GAPVD1: variants seen among roughly 807,000 people sequenced by gnomAD.
GAPVD1 encodes the protein GTPase activating protein and VPS9 domains 1.
GAPVD1 carries 35 observed loss-of-function variants against 155.5 expected under a neutral mutation model. The ratio of observed to expected loss-of-function variants is 0.23; its 90% confidence interval spans 0.17 to 0.30. The LOEUF is 0.30. GAPVD1 is among the 10% of genes least tolerant of loss of function. The probability of loss-of-function intolerance (pLI) is 1.00; values close to 1 mark genes in which losing one functional copy is unlikely to be tolerated. For synonymous variants in GAPVD1, 636 were observed against 619.7 expected, an observed-to-expected ratio of 1.03 and a Z score of -0.39; for missense variants, 1,429 against 1,775.7, an observed-to-expected ratio of 0.80 and a Z score of 3.51.
At position 125,339,086 on chromosome 9, in the gene GAPVD1, A is replaced by G. The variant is rs114970211; in HGVS notation, c.2877+1495A>G. On this transcript the variant is annotated intron_variant, in intron 17 of 27. Transcript: ENST00000297933. ...AGCCTTAACCTCCCAGGCTCAGGCAATCCTCCCGCTTTGGCCTCCCAAGTA... is the reference window on the plus strand; with the variant it reads ...AGCCTTAACCTCCCAGGCTCAGGCAGTCCTCCCGCTTTGGCCTCCCAAGTA... Among the ~76,000 whole-genome samples, 1,502 of 152,160 alleles carry G rather than the reference A, an allele frequency of 9.9e-3. 28 individuals are homozygous for G. The highest frequency in any genetic ancestry group is 0.034 in the African/African-American group (1,400 of 41,506).
intron 2 of GAPVD1, among the ~76,000 whole-genome samples, chr9:125,280,711 G>T (rs534122698): frequency 4.6e-5 from 7 of 151,874 alleles, no homozygotes; most frequent in South Asian, 4.2e-4. Context: ...GAGTGACTGG[G>T]ATTACATGCG....
At chr9:125,351,322 G>A (rs754944863) in intron 23 of GAPVD1, among the ~76,000 whole-genome samples, 4 of 152,118 alleles carry the variant, frequency 2.6e-5, no homozygotes, top group Admixed American at 6.6e-5. Flanking sequence ...GATGAGATTC[G>A]GGTGGGGACA....
intron 2 of GAPVD1, among the ~76,000 whole-genome samples, chr9:125,292,129 C>T (rs985155914): frequency 4.6e-5 from 7 of 151,982 alleles, no homozygotes; most frequent in South Asian, 2.1e-4. Flanking sequence ...TACAGCTACT[C>T]GGGAGGCGGA....
rs1212311819 is a variant in GAPVD1 at position 125,366,414 on chromosome 9, A to T, written c.*3668A>T. 6.6e-5 allele frequency: 10 copies of T among 152,196 alleles called. No homozygotes were observed. The highest frequency in any genetic ancestry group is 1.5e-4 in the Non-Finnish European group (10 of 68,038). The allele number at this position is 152,196 out of a possible 1,614,324, so 9.4% of individuals were successfully genotyped here. ...GTGTGAAGAGGGAAAGTAGGAATAC[A>T]CTCAGAATTATTACTGGATTGCATA... On this transcript the variant is annotated 3_prime_UTR_variant, in exon 28 of 28. Coordinates refer to ENST00000297933, the MANE Select transcript of GAPVD1 (RefSeq NM_001282680.3).
chr9:125,357,615 T>C (rs1286334159), intron 25 of GAPVD1, among the ~76,000 whole-genome samples: 3 of 151,976 alleles, frequency 2.0e-5, no homozygotes, highest in East Asian at 1.9e-4. Context: ...AGTTAAGTAT[T>C]TGAATACCAG....
intron 9 of GAPVD1, among the ~76,000 whole-genome samples, chr9:125,315,529 AT>A (rs1220306138): frequency 6.6e-6 from 1 of 152,058 alleles, no homozygotes; most frequent in Non-Finnish European, 1.5e-5. Flanking sequence ...ATGGTTGTGT[AT>A]TTTGATCTGT....
At chr9:125,357,975 T>TAAAA (rs1325730099) in intron 25 of GAPVD1, among the ~76,000 whole-genome samples, 1 of 144,448 alleles carries the variant, frequency 6.9e-6, no homozygotes, top group Admixed American at 6.8e-5. Flanking sequence ...GCTCTGTCTT[T>TAAAA]AAAAAAAAAA....
At chr9:125,291,310 G>A (rs903642016) in intron 2 of GAPVD1, among the ~76,000 whole-genome samples, 1 of 152,050 alleles carries the variant, frequency 6.6e-6, no homozygotes, top group Non-Finnish European at 1.5e-5. Context: ...AAGGATACTA[G>A]CGTTGTCATG....
chr9:125,335,369 A>C, intron 15 of GAPVD1: 1 of 480,850 alleles, frequency 2.1e-6, no homozygotes, highest in Non-Finnish European at 3.7e-6. Flanking sequence ...TACCATTAAA[A>C]TTTTTTCTTT....
chr9:125,328,863 C>T (rs981762204), intron 12 of GAPVD1, among the ~76,000 whole-genome samples: 3 of 152,000 alleles, frequency 2.0e-5, no homozygotes, highest in Non-Finnish European at 2.9e-5. Flanking sequence ...CCGGACGGGG[C>T]GGCTGGCCGG....
intron 23 of GAPVD1, among the ~76,000 whole-genome samples, 193 bp from the exon 24 acceptor site, chr9:125,354,461 C>T (rs1398655537): frequency 6.6e-6 from 1 of 152,150 alleles, no homozygotes; most frequent in African/African-American, 2.4e-5. Flanking sequence ...CAGCTGGCAC[C>T]ATGATCAGTC....
rs146870338 is a variant in GAPVD1 at position 125,273,954 on chromosome 9, A to T, written c.-150+4970A>T. On this transcript the variant is annotated intron_variant, in intron 2 of 27. Coordinates refer to ENST00000297933, the MANE Select transcript of GAPVD1 (RefSeq NM_001282680.3). ...TTTTTTAAAAAAAAATTACTAAAGT[A>T]ATAAATATTCTTTGTTTTTTATTTT... Among the ~76,000 whole-genome samples the T allele has an allele frequency of 1.6e-3, 245 of 151,838 alleles. 3 individuals are homozygous for T. The highest frequency in any genetic ancestry group is 0.015 in the East Asian group (79 of 5,186).
At chr9:125,282,709 C>T (rs1026039265) in intron 2 of GAPVD1, among the ~76,000 whole-genome samples, 10 of 152,104 alleles carry the variant, frequency 6.6e-5, no homozygotes, top group African/African-American at 2.4e-4. Flanking sequence ...AGTTATCTTA[C>T]AGTATACCAT....
chr9:125,298,397 T>TA (rs1840219421), intron 3 of GAPVD1, among the ~76,000 whole-genome samples: 1 of 152,040 alleles, frequency 6.6e-6, no homozygotes, highest in Admixed American at 6.6e-5. Context: ...CCAATTTTTC[T>TA]ATGCTGAACC....
At chr9:125,271,786 A>C (rs544787952) in intron 2 of GAPVD1, among the ~76,000 whole-genome samples, 1 of 151,678 alleles carries the variant, frequency 6.6e-6, no homozygotes, top group African/African-American at 2.4e-5. Context: ...CCTGACCTCA[A>C]GTGATCCACC....
chr9:125,324,384 A>C (rs1288005411), intron 11 of GAPVD1, among the ~76,000 whole-genome samples: 1 of 152,066 alleles, frequency 6.6e-6, no homozygotes, highest in Non-Finnish European at 1.5e-5. Context: ...TGAGGTCGGG[A>C]GTTCAAGACC....
chr9:125,345,842 T>C (rs2132235736), intron 19 of GAPVD1: 1 of 152,142 alleles, frequency 6.6e-6, no homozygotes, highest in South Asian at 2.1e-4. Flanking sequence ...ACACACAAAA[T>C]ACGTATATGT....
At chr9:125,360,439 C>G in intron 26 of GAPVD1, 89 bp from the exon 27 acceptor site, 1 of 987,680 alleles carries the variant, frequency 1.0e-6, no homozygotes, top group South Asian at 1.4e-5. Flanking sequence ...CCACATTATC[C>G]TCTGCCTCCT....
intron 1 of GAPVD1, among the ~76,000 whole-genome samples, chr9:125,266,299 A>T (rs1588487005): frequency 6.8e-6 from 1 of 147,582 alleles, no homozygotes; most frequent in East Asian, 2.0e-4. Context: ...GCTAATTTTT[A>T]TTTTATTTTA....
Sources: allele counts gnomAD v4.1 joint callset (sites outside exome capture counted in the v4.1 genomes callset), GRCh38; gene constraint gnomAD v4.1.1; transcripts MANE v1.5; gene names NCBI Gene and HGNC (gene_info 2026-07-23, HGNC 2026-07-21).